PTPRC: variants seen among roughly 807,000 people sequenced by gnomAD.
PTPRC encodes protein tyrosine phosphatase receptor type C, also known as receptor-type tyrosine-protein phosphatase C.
A neutral mutation model predicts 155.9 loss-of-function variants in PTPRC; 44 were observed. The observed-to-expected ratio is 0.28, with a 90% CI of 0.22 to 0.36. The LOEUF is 0.36. Among genes scored for constraint, PTPRC ranks in the 10% least tolerant of loss-of-function variants. PTPRC has a pLI of 1.00. For missense variants in PTPRC, 1,401 were observed against 1,564.6 expected (o/e 0.90, Z 1.76); for synonymous variants, 525 against 533.1 (o/e 0.98, Z 0.21).
chr1:198,735,002 A>G (rs1654560036), intron 22 of PTPRC, 125 bp from the exon 23 acceptor site: 1 of 844,268 alleles, frequency 1.2e-6, no homozygotes, highest in Non-Finnish European at 1.8e-6. Context: ...ATATGTGCTT[A>G]AACTATACAA....
rs763559463 is a variant in PTPRC, at chr1:198,702,408, C to T, written c.461C>T (p.Thr154Ile). The T allele has an allele frequency of 1.2e-6, 2 of 1,614,148 alleles. No individual in the cohort carries two copies. Among genetic ancestry groups the T allele is most frequent in the South Asian group, 1.1e-5 (1 of 91,084 alleles). ...AISDVPGERS[T>I]ASTFPTDPVS... ...GCAGATGTCCCAGGAGAGAGGAGTACAGCCAGCACCTTTCCTACAGACCCA... is the reference window on the plus strand; with the variant it reads ...GCAGATGTCCCAGGAGAGAGGAGTATAGCCAGCACCTTTCCTACAGACCCA... Residue 154 changes from threonine to isoleucine, a missense_variant, in exon 6 of 33, where the codon ACA (threonine) becomes ATA (isoleucine). Thr to Ile is a moderately conservative substitution (Grantham distance 89, BLOSUM62 -1). This residue lies in a region of PTPRC where 867 missense variants were observed against 970.4 expected (regional missense o/e 0.89). Transcript: ENST00000442510.
intron 25 of PTPRC, among the ~76,000 whole-genome samples, chr1:198,742,976 CA>C (rs1654973042): frequency 6.8e-6 from 1 of 147,478 alleles, no homozygotes. Flanking sequence ...GTATTTGACC[CA>C]GCAAAATCAC....
intron 14 of PTPRC, among the ~76,000 whole-genome samples, chr1:198,721,709 T>C (rs925466226): frequency 9.9e-5 from 15 of 152,012 alleles, no homozygotes; most frequent in Admixed American, 5.2e-4. Context: ...CTATGTGTGA[T>C]ATTTATGAAT....
chr1:198,687,095 C>A (rs1459971990), intron 2 of PTPRC, among the ~76,000 whole-genome samples: 1 of 152,168 alleles, frequency 6.6e-6, no homozygotes, highest in Non-Finnish European at 1.5e-5. Context: ...AGCCTCAACA[C>A]ACACTCATGG....
chr1:198,708,208 A>T lies in PTPRC; in HGVS notation c.980A>T (p.Asn327Ile). 6.2e-7 allele frequency: 1 copy of T among 1,605,994 alleles called. No homozygotes were observed. Among genetic ancestry groups the T allele is most frequent in the Non-Finnish European group, 8.5e-7 (1 of 1,173,260 alleles). ...ADTTICLKWK[N>I]IETFTCDTQN... ...ACTACTATTTGTTTAAAATGGAAAA[A>T]TATTGAAACCTTTACTTGTGATACA... The change falls in exon 10 of 33, where the codon AAT (asparagine) becomes ATT (isoleucine). Residue 327 changes from asparagine (N) to isoleucine (I), a missense_variant. By Grantham distance (149) the Asn-to-Ile change is moderately radical (BLOSUM62 -3). Coordinates refer to ENST00000442510, the MANE Select transcript of PTPRC (RefSeq NM_002838.5).
intron 2 of PTPRC, among the ~76,000 whole-genome samples, chr1:198,673,929 T>C (rs1215371824): frequency 6.6e-6 from 1 of 152,240 alleles, no homozygotes; most frequent in Non-Finnish European, 1.5e-5. Context: ...AATGTAATGA[T>C]TTTTGCCATA....
chr1:198,750,352 T>C, intron 28 of PTPRC, 140 bp from the exon 29 acceptor site: 1 of 886,346 alleles, frequency 1.1e-6, no homozygotes, highest in Non-Finnish European at 1.8e-6. Flanking sequence ...ACATTGTTTC[T>C]TGTAAGAAAC....
Position 198,706,856 on chromosome 1 carries a change from G to A in PTPRC, c.808G>A (p.Val270Met). Residue 270 changes from valine to methionine, a missense_variant, in exon 9 of 33, where the codon GTG becomes ATG. Physicochemically the swap from Val to Met is conservative, Grantham distance 21. This residue lies in a region of PTPRC where 867 missense variants were observed against 970.4 expected (regional missense o/e 0.89). Transcript: ENST00000442510. ...CGNNTCTNNE[V>M]HNLTECKNAS... ...AAACAATACTTGCACAAACAATGAG[G>A]TGCATAACCTTACAGAATGTAAAAA... The A allele has an allele frequency of 6.2e-7, 1 of 1,613,366 alleles. No individual in the cohort carries two copies. The highest frequency in any genetic ancestry group is 1.1e-5 in the South Asian group (1 of 91,062).
chr1:198,692,405 T>A, intron 3 of PTPRC, 32 bp downstream of exon 3: 1 of 1,357,432 alleles, frequency 7.4e-7, no homozygotes, highest in Non-Finnish European at 9.7e-7. Flanking sequence ...TTTACTAATT[T>A]TATTTTCTTG....
At chr1:198,728,295 G>A in intron 15 of PTPRC, 45 bp from the exon 16 acceptor site, 7 of 1,499,546 alleles carry the variant, frequency 4.7e-6, no homozygotes, top group Non-Finnish European at 6.5e-6. Context: ...AGTCTAGCAA[G>A]TTATTTGACA....
chr1:198,726,391 C>T (rs935201430), intron 15 of PTPRC, among the ~76,000 whole-genome samples: 4 of 152,288 alleles, frequency 2.6e-5, no homozygotes, highest in Non-Finnish European at 5.9e-5. Context: ...ATGTTCACTG[C>T]AATCCACCTA....
At chr1:198,697,258 C>T (rs1356454754) in intron 4 of PTPRC, among the ~76,000 whole-genome samples, 4 of 152,152 alleles carry the variant, frequency 2.6e-5, no homozygotes, top group Admixed American at 2.6e-4. Context: ...CAGAGATTAT[C>T]AGTTCTACTC....
chr1:198,750,765 C>T, intron 29 of PTPRC, 139 bp downstream of exon 29: 1 of 1,111,134 alleles, frequency 9.0e-7, no homozygotes, highest in Non-Finnish European at 1.3e-6. Context: ...CAGTCTTACC[C>T]CTTTCACCCT....
intron 2 of PTPRC, chr1:198,679,647 TCA>T: frequency 7.4e-6 from 2 of 269,352 alleles, no homozygotes; most frequent in Non-Finnish European, 7.4e-6. Flanking sequence ...GATGGGCTCG[TCA>T]CACTTCAGCA....
intron 26 of PTPRC, among the ~76,000 whole-genome samples, chr1:198,745,815 A>G (rs887459448): frequency 2.0e-5 from 3 of 151,790 alleles, no homozygotes; most frequent in Admixed American, 6.6e-5. Context: ...GAAAATAAAA[A>G]GCAAATTGGC....
At chr1:198,661,466 G>T (rs917783195) in intron 2 of PTPRC, among the ~76,000 whole-genome samples, 1 of 151,590 alleles carries the variant, frequency 6.6e-6, no homozygotes, top group Non-Finnish European at 1.5e-5. Flanking sequence ...ATAATAGATA[G>T]CTGGATTCTC....
At position 198,639,346 on chromosome 1, in the gene PTPRC, G is replaced by A. The variant is rs1662447522; in HGVS notation, c.73+5G>A. Reference sequence around the variant, plus strand: ...ACACAGAAGTATTTGTGACAGGTAAGTACAAGGATATTAATATTTTTTAAA... The same window carrying A: ...ACACAGAAGTATTTGTGACAGGTAAATACAAGGATATTAATATTTTTTAAA... On this transcript the variant is annotated splice_donor_5th_base_variant and intron_variant, in intron 2 of 32. Transcript: ENST00000442510. 1 of 1,593,032 alleles carries A rather than the reference G, an allele frequency of 6.3e-7. No individual in the cohort carries two copies. The highest frequency in any genetic ancestry group is 1.7e-5 in the Admixed American group (1 of 59,844).
rs1662425656 is a variant in PTPRC, at chr1:198,639,102, GA to G, written c.-76del. The G allele has an allele frequency of 1.5e-6, 1 of 648,814 alleles. No individual in the cohort carries two copies. Among genetic ancestry groups the G allele is most frequent in the Admixed American group, 2.4e-5 (1 of 41,952 alleles). 40.2% of individuals were successfully genotyped at this position (648,814 alleles called of 1,614,324 possible). On this transcript the variant is annotated 5_prime_UTR_variant, in exon 1 of 33. Coordinates refer to ENST00000442510, the MANE Select transcript of PTPRC (RefSeq NM_002838.5). ...GTTTGTTCTTAGGGTAACAGAGGAGGAAATTGTTCCTCGTCTGATAAGACAA... is the reference window on the plus strand; with the variant it reads ...GTTTGTTCTTAGGGTAACAGAGGAGGAATTGTTCCTCGTCTGATAAGACAA...
At chr1:198,679,235 T>G (rs972441012) in intron 2 of PTPRC, 1 of 146,410 alleles carries the variant, frequency 6.8e-6, no homozygotes, top group Non-Finnish European at 1.5e-5. Flanking sequence ...AGCTCGTACT[T>G]TTTTTTTTTT....
Sources: gnomAD v4.1 joint callset for allele counts (sites outside exome capture counted in the v4.1 genomes callset) on GRCh38, gnomAD v4.1.1 for gene constraint, gnomAD v4.1.1 regional missense constraint, MANE v1.5 for transcripts, NCBI Gene and HGNC (gene_info 2026-07-23, HGNC 2026-07-21) for gene names.